Variants in TAFA2 observed in about 807,000 individuals in gnomAD.
The protein encoded by TAFA2 is TAFA chemokine like family member 2.
TAFA2 carries 7 observed loss-of-function variants against 18.8 expected under a neutral mutation model. The observed-to-expected ratio is 0.37, with a 90% CI of 0.21 to 0.70. TAFA2 has a LOEUF of 0.70. Ranked by LOEUF, TAFA2 falls within the 30% of genes least tolerant of loss-of-function variation. The probability of loss-of-function intolerance (pLI) is 0.53; values close to 1 mark genes in which losing one functional copy is unlikely to be tolerated. For missense variants in TAFA2, 122 were observed against 158.1 expected (o/e 0.77, Z 1.23); for synonymous variants, 60 against 54.2 (o/e 1.11, Z -0.47).
At chr12:62,131,108 G>A (rs918579959) in intron 1 of TAFA2, among the ~76,000 whole-genome samples, 4 of 151,942 alleles carry the variant, frequency 2.6e-5, no homozygotes, top group Non-Finnish European at 4.4e-5. Context: ...CTTTTGTTGG[G>A]GGTGGGGAAT....
chr12:61,948,864 G>A (rs1319132913), intron 1 of TAFA2, among the ~76,000 whole-genome samples: 1 of 152,182 alleles, frequency 6.6e-6, no homozygotes, highest in Admixed American at 6.5e-5. Context: ...CTAAGCAGAA[G>A]TCAGGTGATT....
chr12:61,898,964 A>G (rs1335050591), intron 1 of TAFA2, among the ~76,000 whole-genome samples: 3 of 151,724 alleles, frequency 2.0e-5, no homozygotes, highest in South Asian at 4.2e-4. Flanking sequence ...ATTTGAGGTC[A>G]TCTCATTCAA....
intron 1 of TAFA2, among the ~76,000 whole-genome samples, chr12:62,213,445 C>T (rs1299867700): frequency 3.9e-5 from 6 of 152,100 alleles, no homozygotes; most frequent in Non-Finnish European, 2.9e-5. Context: ...GAGATTGAGA[C>T]CATCCTGATC....
chr12:61,887,201 C>G (rs1236645046), intron 1 of TAFA2, among the ~76,000 whole-genome samples: 1 of 152,168 alleles, frequency 6.6e-6, no homozygotes, highest in Non-Finnish European at 1.5e-5. Flanking sequence ...GACTTCTCTG[C>G]CCCTCCCCAG....
chr12:62,129,791 T>TA (rs1299014115), intron 1 of TAFA2, among the ~76,000 whole-genome samples: 1 of 151,882 alleles, frequency 6.6e-6, no homozygotes, highest in East Asian at 1.9e-4. Context: ...CTTCCTTTCA[T>TA]CCCCAGGACA....
At chr12:62,090,418 A>C (rs1868659374) in intron 1 of TAFA2, among the ~76,000 whole-genome samples, 1 of 152,114 alleles carries the variant, frequency 6.6e-6, no homozygotes, top group South Asian at 2.1e-4. Context: ...AAATGTTTCT[A>C]CTTTAGAAAA....
intron 1 of TAFA2, among the ~76,000 whole-genome samples, chr12:62,110,296 G>C (rs1198248105): frequency 6.6e-6 from 1 of 152,268 alleles, no homozygotes; most frequent in South Asian, 2.1e-4. Flanking sequence ...ATTTGTGTAT[G>C]TTGAACCAGC....
At chr12:61,911,749 G>T (rs976221413) in intron 1 of TAFA2, among the ~76,000 whole-genome samples, 2 of 152,146 alleles carry the variant, frequency 1.3e-5, no homozygotes, top group African/African-American at 4.8e-5. Flanking sequence ...AATCAGGATT[G>T]ATTACAGGGA....
At chr12:61,818,593 G>A (rs1469486527) in intron 2 of TAFA2, among the ~76,000 whole-genome samples, 2 of 151,854 alleles carry the variant, frequency 1.3e-5, no homozygotes, top group African/African-American at 4.8e-5. Flanking sequence ...GCACCACTCT[G>A]AGGCAGGTGG....
upstream of TAFA2, among the ~76,000 whole-genome samples, chr12:62,193,826 A>G (rs769059610): frequency 1.3e-4 from 20 of 152,110 alleles, no homozygotes; most frequent in Non-Finnish European, 2.5e-4. Context: ...CCTTCCATTC[A>G]CTCTGAATTT....
intron 1 of TAFA2, among the ~76,000 whole-genome samples, chr12:62,087,228 G>A (rs1868492428): frequency 6.6e-6 from 1 of 152,110 alleles, no homozygotes; most frequent in South Asian, 2.1e-4. Context: ...TAGTCATGAT[G>A]GTTATACAAC....
chr12:62,165,900 G>GTC (rs139551297), intron 1 of TAFA2, among the ~76,000 whole-genome samples: 14 of 141,186 alleles, frequency 9.9e-5, no homozygotes, highest in Admixed American at 4.3e-4. Flanking sequence ...ACTTAATACA[G>GTC]TCTCTCTCTC....
In TAFA2 at chr12:61,927,656, A is replaced by G. The variant is rs550205308; in HGVS notation, c.-1-60230T>C. Reference sequence around the variant, plus strand: ...TGACTTTCTTCACAGAATTAGAAGAACTACTTTAAATTTCATATGGAATCA... The same window carrying G: ...TGACTTTCTTCACAGAATTAGAAGAGCTACTTTAAATTTCATATGGAATCA... On this transcript the variant is annotated intron_variant, in intron 1 of 4. Transcript: ENST00000416284. Among the ~76,000 whole-genome samples, 41 of 152,340 alleles carry G rather than the reference A, an allele frequency of 2.7e-4. No individual in the cohort carries two copies. In the South Asian group the frequency reaches 5.8e-3, roughly 22 times the overall value.
At chr12:61,906,574 G>C in intron 1 of TAFA2, among the ~76,000 whole-genome samples, 1 of 152,242 alleles carries the variant, frequency 6.6e-6, no homozygotes, top group East Asian at 1.9e-4. Context: ...CAGTAAATTG[G>C]TACTGGGTAG....
intron 1 of TAFA2, among the ~76,000 whole-genome samples, chr12:62,145,243 G>A (rs892756813): frequency 4.6e-5 from 7 of 152,162 alleles, no homozygotes; most frequent in Non-Finnish European, 1.0e-4. Context: ...TAGGAAAGAG[G>A]CCACACAACA....
chr12:61,765,245 G>T (rs1210356421), intron 2 of TAFA2, among the ~76,000 whole-genome samples: 1 of 152,020 alleles, frequency 6.6e-6, no homozygotes, highest in Non-Finnish European at 1.5e-5. Context: ...TGCCAAGAGT[G>T]ACCTTGGAAA....
chr12:61,979,844 C>T (rs1472413275), intron 1 of TAFA2, among the ~76,000 whole-genome samples: 2 of 151,894 alleles, frequency 1.3e-5, no homozygotes, highest in African/African-American at 4.8e-5. Flanking sequence ...GCAGATATGG[C>T]AAACGAGACT....
At chr12:61,879,651 G>A in intron 1 of TAFA2, 10 of 953,176 alleles carry the variant, frequency 1.0e-5, no homozygotes, top group African/African-American at 1.6e-5. Flanking sequence ...GACAAGGTAC[G>A]GTTCCTGGAG....
At chr12:61,790,075 A>AT (rs2120922491) in intron 2 of TAFA2, among the ~76,000 whole-genome samples, 1 of 151,964 alleles carries the variant, frequency 6.6e-6, no homozygotes, top group East Asian at 1.9e-4. Context: ...CAAAAATCCA[A>AT]TAAATGTGGT....
Sources: allele counts gnomAD v4.1 joint callset (sites outside exome capture counted in the v4.1 genomes callset), GRCh38; gene constraint gnomAD v4.1.1; transcripts MANE v1.5; gene names NCBI Gene and HGNC (gene_info 2026-07-23, HGNC 2026-07-21).